TRABD2B: variants seen among roughly 807,000 people sequenced by gnomAD.
The protein encoded by TRABD2B is TraB domain containing 2B, also known as metalloprotease TIKI2.
A neutral mutation model predicts 40.1 loss-of-function variants in TRABD2B; 14 were observed. The ratio of observed to expected loss-of-function variants is 0.35; its 90% CI spans 0.23 to 0.55. The LOEUF (loss-of-function observed/expected upper bound fraction) is 0.55, where lower values mean the gene tolerates loss of function less well. Ranked by LOEUF, TRABD2B falls within the 20% of genes least tolerant of loss-of-function variation. The pLI, the probability that TRABD2B is intolerant of heterozygous loss-of-function variation, is 0.90. For missense variants in TRABD2B, 541 were observed against 648.6 expected (o/e 0.83, Z 1.80); for synonymous variants, 263 against 277.0 (o/e 0.95, Z 0.50).
intron 2 of TRABD2B, among the ~76,000 whole-genome samples, chr1:47,931,849 G>A (rs1291212494): frequency 6.6e-6 from 1 of 152,132 alleles, no homozygotes; most frequent in Non-Finnish European, 1.5e-5. Flanking sequence ...TTTGTCACAC[G>A]GCAATAGATA....
intron 4 of TRABD2B, among the ~76,000 whole-genome samples, chr1:47,788,375 C>T (rs1644625413): frequency 6.6e-6 from 1 of 152,228 alleles, no homozygotes; most frequent in Non-Finnish European, 1.5e-5. Context: ...GGGTCTGCGG[C>T]ACTCTAGCTG....
chr1:47,839,192 C>T (rs900951551), intron 2 of TRABD2B, among the ~76,000 whole-genome samples: 1 of 152,156 alleles, frequency 6.6e-6, no homozygotes, highest in South Asian at 2.1e-4. Flanking sequence ...CGAGAGGTCA[C>T]AACCCCACCA....
intron 4 of TRABD2B, among the ~76,000 whole-genome samples, chr1:47,791,428 G>A (rs921076755): frequency 2.0e-5 from 3 of 152,220 alleles, no homozygotes; most frequent in African/African-American, 7.2e-5. Flanking sequence ...AGAGACATTT[G>A]CATGAGCAGA....
Position 47,974,468 on chromosome 1 carries a change from C to A in TRABD2B, c.666+19566G>T, listed in dbSNP as rs1198951332. 2.0e-5 allele frequency among the ~76,000 whole-genome samples: 3 copies of A among 152,312 alleles called. No homozygotes were observed. In the East Asian group the frequency reaches 5.8e-4, roughly 29 times the overall value. ...TCCCCATCCAAACCCCACCCACTTGCAGCCTGGTCCCTCTCTAGCCTACTG... is the reference window on the plus strand; with the variant it reads ...TCCCCATCCAAACCCCACCCACTTGAAGCCTGGTCCCTCTCTAGCCTACTG... On this transcript the variant is annotated intron_variant, in intron 2 of 6. Coordinates refer to ENST00000606738, the MANE Select transcript of TRABD2B (RefSeq NM_001194986.2).
intron 2 of TRABD2B, among the ~76,000 whole-genome samples, chr1:47,805,832 T>A (rs1569993799): frequency 6.7e-6 from 1 of 149,904 alleles, no homozygotes; most frequent in Non-Finnish European, 1.5e-5. Flanking sequence ...AAAAAAAAAC[T>A]GCAGCAAAGA....
chr1:47,772,747 G>A (rs1644393000), intron 6 of TRABD2B, among the ~76,000 whole-genome samples: 1 of 152,152 alleles, frequency 6.6e-6, no homozygotes, highest in African/African-American at 2.4e-5. Context: ...GCAGGAGGGT[G>A]GGATGAGTCC....
chr1:47,811,325 T>C (rs912447894), intron 2 of TRABD2B, among the ~76,000 whole-genome samples: 33 of 152,170 alleles, frequency 2.2e-4, no homozygotes, highest in Admixed American at 2.0e-3. Context: ...TGGCCTCTAG[T>C]ACAGCTGTCG....
chr1:47,917,753 A>G (rs939429043), intron 2 of TRABD2B, among the ~76,000 whole-genome samples: 2 of 152,076 alleles, frequency 1.3e-5, no homozygotes, highest in Admixed American at 1.3e-4. Context: ...AAGAAAAAAA[A>G]AAGAGCAAGA....
At chr1:47,950,264 G>A (rs1014025344) in intron 2 of TRABD2B, among the ~76,000 whole-genome samples, 1 of 151,880 alleles carries the variant, frequency 6.6e-6, no homozygotes, top group African/African-American at 2.4e-5. Flanking sequence ...CAGCTTGGGC[G>A]ATAGAGCAAG....
At chr1:47,966,923 T>TA (rs1645612313) in intron 2 of TRABD2B, among the ~76,000 whole-genome samples, 1 of 150,862 alleles carries the variant, frequency 6.6e-6, no homozygotes, top group Admixed American at 6.6e-5. Context: ...TAAAATAAAA[T>TA]AAAATAAAAT....
intron 2 of TRABD2B, among the ~76,000 whole-genome samples, chr1:47,855,278 CAT>C (rs1446883036): frequency 2.6e-5 from 4 of 152,202 alleles, no homozygotes; most frequent in East Asian, 1.9e-4. Context: ...ATTTGTTTCA[CAT>C]GTTTTTTAAA....
In TRABD2B at chr1:47,761,338, G is replaced by T. The variant is rs1352847731; in HGVS notation, c.*4564C>A. The T allele has an allele frequency of 6.6e-6, 1 of 152,358 alleles. No homozygotes were observed. The highest frequency in any genetic ancestry group is 1.5e-5 in the Non-Finnish European group (1 of 68,162). The allele number at this position is 152,358 out of a possible 1,614,324, so 9.4% of individuals were successfully genotyped here. A position where few individuals can be genotyped will look rare whatever the true frequency, so the allele number is the denominator to read the frequency against. ...CTCGTGAACCCTTTCCTCCCCTGGG[G>T]TCAGGGAGTGGGGCAGAGCGGGAAG... is the stretch of plus-strand genomic sequence containing the variant. On this transcript the variant is annotated 3_prime_UTR_variant, in exon 7 of 7. Transcript: ENST00000606738.
chr1:47,890,014 T>A (rs956329542), intron 2 of TRABD2B, among the ~76,000 whole-genome samples: 2 of 152,216 alleles, frequency 1.3e-5, no homozygotes, highest in Non-Finnish European at 2.9e-5. Context: ...TTGCTGAATA[T>A]CTCTGGCTGA....
chr1:47,974,967 A>G (rs1645734940), intron 2 of TRABD2B, among the ~76,000 whole-genome samples: 1 of 152,196 alleles, frequency 6.6e-6, no homozygotes, highest in Admixed American at 6.5e-5. Context: ...ACAAATCCCT[A>G]TGGAGGGACA....
intron 2 of TRABD2B, among the ~76,000 whole-genome samples, chr1:47,918,868 A>G (rs1311136673): frequency 1.3e-5 from 2 of 152,234 alleles, no homozygotes; most frequent in African/African-American, 4.8e-5. Flanking sequence ...TAGGCTGACC[A>G]AAAGCCAAGG....
intron 2 of TRABD2B, among the ~76,000 whole-genome samples, chr1:47,968,653 G>C (rs1645637500): frequency 6.6e-6 from 1 of 152,138 alleles, no homozygotes; most frequent in Non-Finnish European, 1.5e-5. Flanking sequence ...CAATGGTTAG[G>C]GTTCATAGGC....
chr1:47,842,539 G>T (rs1346291180), intron 2 of TRABD2B, among the ~76,000 whole-genome samples: 2 of 152,130 alleles, frequency 1.3e-5, no homozygotes, highest in Non-Finnish European at 2.9e-5. Flanking sequence ...ACATGGTTTG[G>T]AAGTTCAAAC....
At chr1:47,779,296 G>A (rs1197699060) in intron 4 of TRABD2B, among the ~76,000 whole-genome samples, 5 of 152,278 alleles carry the variant, frequency 3.3e-5, no homozygotes, top group East Asian at 1.9e-4. Flanking sequence ...AGACAGTGAC[G>A]GTCACCTACA....
chr1:47,839,157 G>A (rs930603443), intron 2 of TRABD2B, among the ~76,000 whole-genome samples: 2 of 152,142 alleles, frequency 1.3e-5, no homozygotes, highest in African/African-American at 4.8e-5. Context: ...GTGACAGGAC[G>A]TTATACAATG....
Sources: allele counts gnomAD v4.1 joint callset (sites outside exome capture counted in the v4.1 genomes callset), GRCh38; gene constraint gnomAD v4.1.1; transcripts MANE v1.5; gene names NCBI Gene and HGNC (gene_info 2026-07-23, HGNC 2026-07-21).